The following CDH12 variants were observed in gnomAD, a reference collection of about 807,000 sequenced individuals.
CDH12 encodes the protein cadherin 12.
In CDH12, 41 loss-of-function variants were observed where a neutral mutation model predicts 74.1. The observed-to-expected ratio is 0.55, with a 90% confidence interval of 0.43 to 0.72. The LOEUF is 0.72. CDH12 is among the 30% of genes least tolerant of loss of function. The pLI is 0.00. For synonymous variants in CDH12, 399 were observed against 355.0 expected, an observed-to-expected ratio of 1.12 and a Z score of -1.39; for missense variants, 945 against 977.2, an observed-to-expected ratio of 0.97 and a Z score of 0.44.
intron 6 of CDH12, among the ~76,000 whole-genome samples, chr5:21,912,196 TAGTA>T (rs1177002686): frequency 1.3e-5 from 2 of 152,158 alleles, no homozygotes; most frequent in Non-Finnish European, 2.9e-5. Flanking sequence ...CTTTTGATCT[TAGTA>T]AATAGCAGGT....
chr5:21,995,055 ACACC>A, intron 5 of CDH12, among the ~76,000 whole-genome samples: 1 of 152,088 alleles, frequency 6.6e-6, no homozygotes. Context: ...CTGCCGCTTC[ACACC>A]TGAAGTTAGT....
intron 3 of CDH12, among the ~76,000 whole-genome samples, chr5:22,314,939 G>GTTTTTT (rs1340897012): frequency 2.0e-4 from 15 of 73,612 alleles, no homozygotes; most frequent in East Asian, 4.4e-4. Flanking sequence ...CCCTGGGTTG[G>GTTTTTT]TCTTTTTTTT....
At chr5:22,819,668 C>T (rs1040688170) in intron 1 of CDH12, among the ~76,000 whole-genome samples, 6 of 151,418 alleles carry the variant, frequency 4.0e-5, no homozygotes, top group Non-Finnish European at 8.8e-5. Flanking sequence ...CATAAGTGAG[C>T]TAGCACAAGA....
At chr5:22,431,126 C>G (rs542129390) in intron 2 of CDH12, among the ~76,000 whole-genome samples, 1 of 152,194 alleles carries the variant, frequency 6.6e-6, no homozygotes, top group South Asian at 2.1e-4. Flanking sequence ...ATTGCGTCAT[C>G]CAAGTTAAAT....
chr5:22,372,741 G>A (rs920957846), intron 3 of CDH12, among the ~76,000 whole-genome samples: 2 of 152,070 alleles, frequency 1.3e-5, no homozygotes. Flanking sequence ...GACATGCCCC[G>A]TCCTTCCAGG....
intron 1 of CDH12, among the ~76,000 whole-genome samples, chr5:22,735,808 A>G (rs1364360361): frequency 6.6e-6 from 1 of 151,834 alleles, no homozygotes; most frequent in African/African-American, 2.4e-5. Flanking sequence ...ATGAGTGTTT[A>G]CTCATGTGTC....
At chr5:22,626,023 C>T (rs754463880) in intron 1 of CDH12, among the ~76,000 whole-genome samples, 2 of 152,054 alleles carry the variant, frequency 1.3e-5, no homozygotes, top group African/African-American at 2.4e-5. Context: ...CAGTGCATGC[C>T]GCCATCCAGA....
intron 6 of CDH12, among the ~76,000 whole-genome samples, chr5:21,963,952 C>T (rs553558136): frequency 1.2e-3 from 181 of 152,110 alleles, no homozygotes; most frequent in African/African-American, 4.2e-3. Flanking sequence ...ACTGATATTT[C>T]TTAAAACAAT....
intron 2 of CDH12, among the ~76,000 whole-genome samples, chr5:22,451,935 G>A (rs1305586064): frequency 6.6e-6 from 1 of 151,682 alleles, no homozygotes; most frequent in East Asian, 1.9e-4. Context: ...TATTACCAGT[G>A]AACTATCTGA....
intron 8 of CDH12, among the ~76,000 whole-genome samples, chr5:21,833,509 A>C (rs1749343685): frequency 8.0e-6 from 1 of 124,838 alleles, no homozygotes; most frequent in East Asian, 2.2e-4. Context: ...TATATAATAT[A>C]TGGCATATGT....
At chr5:22,376,269 T>C (rs900289265) in intron 3 of CDH12, among the ~76,000 whole-genome samples, 7 of 151,682 alleles carry the variant, frequency 4.6e-5, no homozygotes, top group Non-Finnish European at 8.8e-5. Flanking sequence ...AGACGGAGAA[T>C]AGAAAGATAG....
intron 2 of CDH12, among the ~76,000 whole-genome samples, chr5:22,438,536 G>A (rs921955337): frequency 4.0e-5 from 6 of 151,870 alleles, no homozygotes; most frequent in Non-Finnish European, 8.8e-5. Flanking sequence ...TGTCTAATAT[G>A]GTACCATTTG....
chr5:22,100,993 A>G (rs1324016824), intron 4 of CDH12, among the ~76,000 whole-genome samples: 1 of 152,076 alleles, frequency 6.6e-6, no homozygotes, highest in Non-Finnish European at 1.5e-5. Context: ...TTTACAATAG[A>G]TTCTTATTTC....
chr5:22,272,304 C>T (rs879364462), intron 3 of CDH12, among the ~76,000 whole-genome samples: 4 of 152,176 alleles, frequency 2.6e-5, no homozygotes, highest in Non-Finnish European at 5.9e-5. Context: ...TCTCACAGAA[C>T]TGAAGAGCAT....
At chr5:22,381,565 A>G (rs1311749749) in intron 3 of CDH12, among the ~76,000 whole-genome samples, 1 of 151,618 alleles carries the variant, frequency 6.6e-6, no homozygotes, top group Non-Finnish European at 1.5e-5. Flanking sequence ...TGAGTCTCTT[A>G]CTATTCAGAT....
At chr5:22,220,232 A>G (rs1253412181) in intron 3 of CDH12, among the ~76,000 whole-genome samples, 1 of 151,786 alleles carries the variant, frequency 6.6e-6, no homozygotes, top group African/African-American at 2.4e-5. Context: ...GTGTGTGTGC[A>G]TGTACATAAA....
chr5:22,094,108 C>G (rs1743600354), intron 4 of CDH12, among the ~76,000 whole-genome samples: 1 of 152,126 alleles, frequency 6.6e-6, no homozygotes, highest in East Asian at 1.9e-4. Context: ...TTTATCTGTG[C>G]TGCAGAGGGA....
chr5:22,060,026 A>G (rs1016850819), intron 5 of CDH12, among the ~76,000 whole-genome samples: 1 of 152,182 alleles, frequency 6.6e-6, no homozygotes, highest in Non-Finnish European at 1.5e-5. Flanking sequence ...ACTAAGAGCC[A>G]GGAATGGACT....
chr5:22,718,583 C>T (rs1164474870), intron 1 of CDH12, among the ~76,000 whole-genome samples: 1 of 152,134 alleles, frequency 6.6e-6, no homozygotes, highest in Admixed American at 6.5e-5. Context: ...AATATTTTTG[C>T]CCAGGGACAT....
Sources: gnomAD v4.1 joint callset for allele counts (sites outside exome capture counted in the v4.1 genomes callset) on GRCh38, gnomAD v4.1.1 for gene constraint, MANE v1.5 for transcripts, NCBI Gene and HGNC (gene_info 2026-07-23, HGNC 2026-07-21) for gene names.